Variants in KLHL29 observed in about 807,000 individuals in gnomAD.
KLHL29 encodes the protein kelch like family member 29.
Under a neutral mutation model 80.4 loss-of-function variants are expected in KLHL29, and 21 were observed. That is an observed-to-expected ratio of 0.26 (90% CI 0.19 to 0.38). The LOEUF (loss-of-function observed/expected upper bound fraction) is 0.38. Among genes scored for constraint, KLHL29 ranks in the 10% least tolerant of loss-of-function variants. The pLI is 1.00. For synonymous variants in KLHL29, 511 were observed against 526.8 expected (o/e 0.97, Z 0.41); for missense variants, 867 against 1,223.9 (o/e 0.71, Z 4.35).
rs755494216 is a variant in KLHL29 at position 23,596,663 on chromosome 2, G to A, written c.285+34182G>A. ...TCGTGGGAATGTGCCTCTTTAGCAC[G>A]CCTTTAACCCCTATCCTGCAAGCAT... On this transcript the variant is annotated intron_variant, in intron 3 of 13. Transcript: ENST00000486442. This position sits in a 1 kb window ranked among gnomAD's most constrained non-coding sequence, Gnocchi z 4.4. Among the ~76,000 whole-genome samples the A allele has an allele frequency of 6.6e-6, 1 of 152,202 alleles. No individual in the cohort carries two copies. The highest frequency in any genetic ancestry group is 6.5e-5 in the Admixed American group (1 of 15,284).
chr2:23,414,383 A>C (rs1424631502), intron 1 of KLHL29, among the ~76,000 whole-genome samples: 3 of 152,188 alleles, frequency 2.0e-5, no homozygotes, highest in African/African-American at 7.2e-5. Flanking sequence ...GCTGTGGGAG[A>C]AAGAGATGTC....
intron 1 of KLHL29, among the ~76,000 whole-genome samples, chr2:23,424,408 A>G (rs934637242): frequency 1.3e-5 from 2 of 152,122 alleles, no homozygotes; most frequent in South Asian, 4.1e-4. Flanking sequence ...ACTGCTCTAC[A>G]CTGTTAAATT....
chr2:23,633,792 T>TGTGTGTGTGTGTG (rs1190935622), intron 3 of KLHL29, among the ~76,000 whole-genome samples: 8 of 151,792 alleles, frequency 5.3e-5, no homozygotes, highest in African/African-American at 1.7e-4. Flanking sequence ...TGTGTGTGTG[T>TGTGTGTGTGTGTG]TTAATTTGAC....
intron 2 of KLHL29, among the ~76,000 whole-genome samples, chr2:23,478,598 G>C (rs1180835378): frequency 1.3e-5 from 2 of 152,168 alleles, no homozygotes; most frequent in Non-Finnish European, 2.9e-5. Flanking sequence ...AGAGGGGTGG[G>C]GGGAGTTGAG....
At chr2:23,561,559 C>G (rs751164403) in intron 2 of KLHL29, among the ~76,000 whole-genome samples, 2 of 152,188 alleles carry the variant, frequency 1.3e-5, no homozygotes, top group Non-Finnish European at 2.9e-5. Flanking sequence ...GATCTAAAGG[C>G]TGGGGATCCT....
rs1282459083 is a variant in KLHL29 at position 23,642,861 on chromosome 2, C to G, written c.940+11C>G. On this transcript the variant is annotated intron_variant, in intron 5 of 13. Transcript: ENST00000486442. The stretch of plus-strand genomic sequence containing the variant: ...CGGGGCACCCCAGAGGTAAGTCCTG[C>G]TGCCACGTGCCTCCCCACGGGCCTG... The G allele has an allele frequency of 5.2e-6, 8 of 1,550,286 alleles. No homozygotes were observed. Among genetic ancestry groups the G allele is most frequent in the Non-Finnish European group, 7.0e-6 (8 of 1,146,874 alleles).
At chr2:23,442,407 G>A (rs1036709978) in intron 1 of KLHL29, among the ~76,000 whole-genome samples, 2 of 152,142 alleles carry the variant, frequency 1.3e-5, no homozygotes, top group East Asian at 3.9e-4. Flanking sequence ...GTCCTTACAA[G>A]TGAAAGACAG....
At chr2:23,416,785 G>A (rs1666990087) in intron 1 of KLHL29, among the ~76,000 whole-genome samples, 1 of 152,094 alleles carries the variant, frequency 6.6e-6, no homozygotes, top group Non-Finnish European at 1.5e-5. Context: ...CTCCATCTTT[G>A]TTCTCACTGT....
intron 3 of KLHL29, among the ~76,000 whole-genome samples, chr2:23,615,724 G>A (rs1668987486): frequency 6.6e-6 from 1 of 152,058 alleles, no homozygotes; most frequent in South Asian, 2.1e-4. Context: ...CCCCTCATTT[G>A]CAGCCTGATG....
chr2:23,681,323 GAGCAGAA>G lies in KLHL29; in HGVS notation c.941-3071_941-3065del, dbSNP rs1168384687. Among the ~76,000 whole-genome samples, 10 of 152,244 alleles carry G rather than the reference GAGCAGAA, an allele frequency of 6.6e-5. No individual in the cohort carries two copies. Among genetic ancestry groups the G allele is most frequent in the African/African-American group, 2.4e-4 (10 of 41,468 alleles). On this transcript the variant is annotated intron_variant, in intron 5 of 13. Transcript: ENST00000486442. This position sits in a 1 kb window ranked among gnomAD's most constrained non-coding sequence, Gnocchi z 4.2. The stretch of plus-strand genomic sequence containing the variant: ...ATTTCCACCAAGTGAGATTCAGAGA[GAGCAGAA>G]AGCACCTACATTAGGATGGGGACAC...
intron 1 of KLHL29, among the ~76,000 whole-genome samples, chr2:23,412,123 G>GC (rs1491276625): frequency 1.1e-3 from 6 of 5,612 alleles, no homozygotes; most frequent in Non-Finnish European, 4.0e-3. Flanking sequence ...TGTGCGTGAA[G>GC]GGGGGGGGGG....
chr2:23,679,065 AAG>A (rs1269560593), intron 5 of KLHL29, among the ~76,000 whole-genome samples: 1 of 152,036 alleles, frequency 6.6e-6, no homozygotes, highest in Non-Finnish European at 1.5e-5. Flanking sequence ...AAAAAAAAAA[AAG>A]AATTAGCCTC....
chr2:23,445,975 G>A (rs1452569240), intron 1 of KLHL29, among the ~76,000 whole-genome samples: 1 of 152,136 alleles, frequency 6.6e-6, no homozygotes, highest in African/African-American at 2.4e-5. Context: ...AAATTAGAGA[G>A]ATTAAGCCTT....
chr2:23,574,154 C>T (rs1020046171), intron 3 of KLHL29, among the ~76,000 whole-genome samples: 1 of 152,090 alleles, frequency 6.6e-6, no homozygotes. Context: ...GTGAGCTCAG[C>T]GCCACTTTGG....
intron 3 of KLHL29, among the ~76,000 whole-genome samples, chr2:23,635,481 G>A: frequency 6.6e-6 from 1 of 152,206 alleles, no homozygotes; most frequent in Non-Finnish European, 1.5e-5. Flanking sequence ...GCCAGCAGGT[G>A]CCTCCCCCTC....
chr2:23,498,262 A>G (rs1427528030), intron 2 of KLHL29, among the ~76,000 whole-genome samples: 1 of 152,232 alleles, frequency 6.6e-6, no homozygotes, highest in African/African-American at 2.4e-5. Flanking sequence ...CCGAAAATCA[A>G]GAAGTCTGAG....
chr2:23,623,509 T>C lies in KLHL29; in HGVS notation c.286-15630T>C, dbSNP rs377757606. 2.6e-5 allele frequency among the ~76,000 whole-genome samples: 4 copies of C among 152,188 alleles called. No individual in the cohort carries two copies. The East Asian group carries it at 5.8e-4, about 22-fold the overall frequency. Reference sequence around the variant, plus strand: ...AAATGAGTCAGATTGGAGGCTGATTTAGGAAAATGTATCTGGGAGGAAAGC... The same window carrying C: ...AAATGAGTCAGATTGGAGGCTGATTCAGGAAAATGTATCTGGGAGGAAAGC... On this transcript the variant is annotated intron_variant, in intron 3 of 13. Transcript: ENST00000486442.
At chr2:23,589,463 G>A (rs138875254) in intron 3 of KLHL29, among the ~76,000 whole-genome samples, 37 of 152,302 alleles carry the variant, frequency 2.4e-4, no homozygotes, top group African/African-American at 7.7e-4. Context: ...GGGTTATCCC[G>A]GAATCCCGCC....
chr2:23,570,753 C>T (rs1165822848), intron 3 of KLHL29, among the ~76,000 whole-genome samples: 2 of 152,230 alleles, frequency 1.3e-5, no homozygotes, highest in Admixed American at 6.5e-5. Flanking sequence ...TGGGGGAATC[C>T]TGCTGGGGTG....
Sources: allele counts gnomAD v4.1 joint callset (sites outside exome capture counted in the v4.1 genomes callset), GRCh38; gene constraint gnomAD v4.1.1; non-coding constraint Gnocchi (gnomAD v3.1); transcripts MANE v1.5; gene names NCBI Gene and HGNC (gene_info 2026-07-23, HGNC 2026-07-21).